Variants in STX8 observed in about 807,000 individuals in gnomAD.
STX8 encodes syntaxin 8.
A neutral mutation model predicts 37.5 loss-of-function variants in STX8; 23 were observed. That is an observed-to-expected ratio of 0.61 (90% CI 0.44 to 0.87). STX8 has a LOEUF of 0.87. STX8 is among the 40% of genes least tolerant of loss of function. The probability of loss-of-function intolerance (pLI) is 0.00; values close to 1 mark genes in which losing one functional copy is unlikely to be tolerated. For missense variants in STX8, 313 were observed against 284.7 expected, an observed-to-expected ratio of 1.10 and a Z score of -0.71; for synonymous variants, 115 against 99.1, an observed-to-expected ratio of 1.16 and a Z score of -0.95.
chr17:9,348,206 A>T (rs1910594545), intron 7 of STX8, among the ~76,000 whole-genome samples: 1 of 152,024 alleles, frequency 6.6e-6, no homozygotes, highest in South Asian at 2.1e-4. Context: ...TGGGCAGATC[A>T]CAAGGTCAGG....
intron 7 of STX8, among the ~76,000 whole-genome samples, chr17:9,301,306 C>T (rs11651992): frequency 0.14 from 21,565 of 152,030 alleles, 1,690 homozygotes; most frequent in Middle Eastern, 0.18. Flanking sequence ...AGATACTGAG[C>T]TCTATTAAAT....
chr17:9,274,536 C>T lies in STX8; in HGVS notation c.644-23891G>A, dbSNP rs1463048453. Among the ~76,000 whole-genome samples the T allele has an allele frequency of 6.0e-5, 9 of 150,556 alleles. No homozygotes were observed. In the East Asian group the frequency reaches 7.9e-4, roughly 13 times the overall value. On this transcript the variant is annotated intron_variant, in intron 7 of 7. Coordinates refer to ENST00000306357, the MANE Select transcript of STX8 (RefSeq NM_004853.3). ...CTAAAAATACAAAAAATTAACCGGG[C>T]GTGTTGGTGGGCACCTGTAGTCCCA...
chr17:9,281,912 C>T (rs890934023), intron 7 of STX8, among the ~76,000 whole-genome samples: 1 of 152,128 alleles, frequency 6.6e-6, no homozygotes, highest in African/African-American at 2.4e-5. Flanking sequence ...CCAGCTTGAG[C>T]TACAGAGTGA....
intron 7 of STX8, among the ~76,000 whole-genome samples, chr17:9,344,008 T>C (rs1326590774): frequency 2.6e-5 from 4 of 152,142 alleles, no homozygotes; most frequent in African/African-American, 7.2e-5. Context: ...GTACCAGGAA[T>C]TGATTAGTGG....
At chr17:9,398,035 A>C (rs1005187013) in intron 6 of STX8, among the ~76,000 whole-genome samples, 2 of 151,922 alleles carry the variant, frequency 1.3e-5, no homozygotes, top group African/African-American at 4.8e-5. Flanking sequence ...ATGATTGAAT[A>C]ATACGTGAAG....
chr17:9,272,278 T>C (rs1263443304), intron 7 of STX8, among the ~76,000 whole-genome samples: 3 of 152,240 alleles, frequency 2.0e-5, no homozygotes, highest in Non-Finnish European at 4.4e-5. Context: ...CAGATGGCCT[T>C]GGCCACTAAG....
At chr17:9,451,401 GTAACTT>G (rs1905036188) in intron 6 of STX8, among the ~76,000 whole-genome samples, 1 of 152,082 alleles carries the variant, frequency 6.6e-6, no homozygotes, top group Non-Finnish European at 1.5e-5. Context: ...CACGTTTAAT[GTAACTT>G]TCCAAAGTAA....
intron 4 of STX8, among the ~76,000 whole-genome samples, chr17:9,539,263 A>G (rs76777562): frequency 6.6e-6 from 1 of 152,116 alleles, no homozygotes; most frequent in South Asian, 2.1e-4. Flanking sequence ...AGAAGAGAAA[A>G]GAGGGAAAAG....
intron 7 of STX8, chr17:9,273,288 A>C (rs1266374802): frequency 6.6e-6 from 1 of 152,268 alleles, no homozygotes; most frequent in East Asian, 1.9e-4. Context: ...GAACGAGAGC[A>C]ACTGGAGCCC....
In STX8 at chr17:9,310,652, G is replaced by A. The variant is rs554428434; in HGVS notation, c.644-60007C>T. Among the ~76,000 whole-genome samples, 5 of 152,296 alleles carry A rather than the reference G, an allele frequency of 3.3e-5. 1 individual carries two copies. The highest frequency in any genetic ancestry group is 1.2e-4 in the African/African-American group (5 of 41,548). The stretch of plus-strand genomic sequence containing the variant: ...GATGGGCTGAGATGAATCTTGTGGG[G>A]TTGGGGAGGGGTGGTCCACGGAGAT... On this transcript the variant is annotated intron_variant, in intron 7 of 7. Transcript: ENST00000306357.
intron 7 of STX8, among the ~76,000 whole-genome samples, chr17:9,364,165 G>C (rs564614774): frequency 1.3e-5 from 2 of 152,326 alleles, no homozygotes; most frequent in African/African-American, 4.8e-5. Context: ...GTACAGGATA[G>C]AGTGAATCTT....
Position 9,348,921 on chromosome 17 carries a change from A to C in STX8, c.643+29631T>G, listed in dbSNP as rs149960932. Among the ~76,000 whole-genome samples the C allele has an allele frequency of 3.7e-3, 568 of 152,314 alleles. 5 individuals carry two copies. The highest frequency in any genetic ancestry group is 0.013 in the African/African-American group (546 of 41,572). On this transcript the variant is annotated intron_variant, in intron 7 of 7. Coordinates refer to ENST00000306357, the MANE Select transcript of STX8 (RefSeq NM_004853.3). ...TGGAGGACGCGTTCCAAGACCCCCA[A>C]GGGATGCCTGAAACCAGGGACAGGA...
intron 7 of STX8, among the ~76,000 whole-genome samples, chr17:9,291,034 C>G (rs183985438): frequency 6.6e-6 from 1 of 152,116 alleles, no homozygotes. Flanking sequence ...AGAATCAACC[C>G]GAACAAATAT....
At chr17:9,272,834 T>C (rs1032350564) in intron 7 of STX8, among the ~76,000 whole-genome samples, 5 of 152,230 alleles carry the variant, frequency 3.3e-5, no homozygotes, top group Admixed American at 1.3e-4. Flanking sequence ...CACTAAAATA[T>C]CCTAGGAGCA....
At chr17:9,362,544 C>A (rs751080035) in intron 7 of STX8, among the ~76,000 whole-genome samples, 1 of 152,036 alleles carries the variant, frequency 6.6e-6, no homozygotes, top group Non-Finnish European at 1.5e-5. Flanking sequence ...TCTGGCTGGG[C>A]GCGGTGGCTC....
intron 6 of STX8, among the ~76,000 whole-genome samples, chr17:9,384,301 A>C (rs552880632): frequency 6.6e-6 from 1 of 152,294 alleles, no homozygotes; most frequent in African/African-American, 2.4e-5. Flanking sequence ...GCCAATTCTA[A>C]AATTTACAAA....
intron 7 of STX8, among the ~76,000 whole-genome samples, chr17:9,351,637 TC>T (rs1353703388): frequency 1.3e-5 from 2 of 152,208 alleles, no homozygotes; most frequent in Admixed American, 1.3e-4. Flanking sequence ...GTTTTTAAAA[TC>T]TGGAATCCGA....
chr17:9,367,767 G>A (rs1911271601), intron 7 of STX8, among the ~76,000 whole-genome samples: 1 of 152,148 alleles, frequency 6.6e-6, no homozygotes, highest in South Asian at 2.1e-4. Context: ...GTCTTGCTCT[G>A]TCGCCCAGGC....
chr17:9,469,412 T>C (rs1488035553), intron 6 of STX8, among the ~76,000 whole-genome samples: 2 of 152,148 alleles, frequency 1.3e-5, no homozygotes, highest in African/African-American at 4.8e-5. Flanking sequence ...TCCATGTCTC[T>C]TTCTCTTCCT....
Sources: allele counts gnomAD v4.1 joint callset (sites outside exome capture counted in the v4.1 genomes callset), GRCh38; gene constraint gnomAD v4.1.1; transcripts MANE v1.5; gene names NCBI Gene and HGNC (gene_info 2026-07-23, HGNC 2026-07-21).